GRM7: variants seen among roughly 807,000 people sequenced by gnomAD.
GRM7 encodes the protein metabotropic glutamate receptor 7.
In GRM7, 35 loss-of-function variants were observed where a neutral mutation model predicts 84.5. That is an observed-to-expected ratio of 0.41 (90% CI 0.32 to 0.55). GRM7 has a LOEUF of 0.55. GRM7 is among the 20% of genes least tolerant of loss of function. GRM7 has a pLI of 0.19. For synonymous variants in GRM7, 487 were observed against 455.1 expected (o/e 1.07, Z -0.89); for missense variants, 1,003 against 1,194.6 (o/e 0.84, Z 2.36).
intron 1 of GRM7, among the ~76,000 whole-genome samples, chr3:7,066,890 C>T (rs1697685382): frequency 6.6e-6 from 1 of 151,786 alleles, no homozygotes; most frequent in Non-Finnish European, 1.5e-5. Context: ...GTAAATATGA[C>T]ACGCCACATA....
At chr3:7,290,819 C>G (rs1699594213) in intron 2 of GRM7, among the ~76,000 whole-genome samples, 1 of 152,128 alleles carries the variant, frequency 6.6e-6, no homozygotes, top group Admixed American at 6.6e-5. Context: ...TACCTTCTTT[C>G]TTTCCTCTCT....
At chr3:7,200,760 G>A (rs113866763) in intron 2 of GRM7, among the ~76,000 whole-genome samples, 13 of 152,134 alleles carry the variant, frequency 8.5e-5, no homozygotes, top group African/African-American at 2.4e-4. Flanking sequence ...TTATTATTTT[G>A]TACACCTAAA....
chr3:6,975,277 T>C (rs1290721946), intron 1 of GRM7, among the ~76,000 whole-genome samples: 2 of 152,204 alleles, frequency 1.3e-5, no homozygotes, highest in Non-Finnish European at 2.9e-5. Flanking sequence ...GATTAAAATC[T>C]ACCAGGAGTT....
chr3:7,448,666 C>T (rs1296516447), intron 5 of GRM7, among the ~76,000 whole-genome samples: 1 of 152,140 alleles, frequency 6.6e-6, no homozygotes, highest in East Asian at 1.9e-4. Context: ...TATAAGGCTA[C>T]ATTTTCAAGT....
At chr3:6,915,162 G>T (rs750456019) in intron 1 of GRM7, among the ~76,000 whole-genome samples, 1 of 149,824 alleles carries the variant, frequency 6.7e-6, no homozygotes, top group African/African-American at 2.6e-5. Context: ...AAAGAGTCAC[G>T]CTTTTATGAT....
intron 4 of GRM7, among the ~76,000 whole-genome samples, chr3:7,326,669 G>A (rs1701000499): frequency 6.6e-6 from 1 of 151,788 alleles, no homozygotes; most frequent in Non-Finnish European, 1.5e-5. Context: ...CCAACATGGC[G>A]AAACCCCATT....
chr3:6,940,273 G>T lies in GRM7; in HGVS notation c.519+78366G>T, dbSNP rs532899902. On this transcript the variant is annotated intron_variant, in intron 1 of 9. Coordinates refer to ENST00000357716, the MANE Select transcript of GRM7 (RefSeq NM_000844.4). ...TGCCCAGCTAATTTTTATATTTTTA[G>T]TAGAGATGGGGTTTCACCATGTTGG... 1.1e-4 allele frequency among the ~76,000 whole-genome samples: 16 copies of T among 152,148 alleles called. No individual in the cohort carries two copies. The East Asian group carries it at 3.1e-3, about 30-fold the overall frequency.
chr3:7,297,493 A>C (rs1699853206), intron 2 of GRM7, among the ~76,000 whole-genome samples: 2 of 152,172 alleles, frequency 1.3e-5, no homozygotes, highest in Non-Finnish European at 1.5e-5. Context: ...AAGATGATTG[A>C]TAGTTTTGTT....
intron 7 of GRM7, among the ~76,000 whole-genome samples, chr3:7,527,697 G>A (rs1222381779): frequency 6.6e-6 from 1 of 151,954 alleles, no homozygotes; most frequent in Non-Finnish European, 1.5e-5. Flanking sequence ...TTTGAGGAGT[G>A]TTCCTTTGAT....
chr3:7,205,869 A>C (rs1696220644), intron 2 of GRM7, among the ~76,000 whole-genome samples: 1 of 152,230 alleles, frequency 6.6e-6, no homozygotes, highest in African/African-American at 2.4e-5. Flanking sequence ...CTAAGTGTTA[A>C]GTTTATTTAA....
chr3:7,461,046 A>T (rs188792535), intron 6 of GRM7, among the ~76,000 whole-genome samples: 2 of 152,350 alleles, frequency 1.3e-5, no homozygotes, highest in East Asian at 3.8e-4. Flanking sequence ...CTTATGATAT[A>T]AATTAGAAAT....
chr3:7,552,898 C>G (rs976155676), intron 7 of GRM7, among the ~76,000 whole-genome samples: 5 of 152,336 alleles, frequency 3.3e-5, no homozygotes, highest in African/African-American at 1.2e-4. Context: ...GTTACTTATG[C>G]AAATTTCTGC....
At chr3:6,936,443 C>A (rs566842874) in intron 1 of GRM7, among the ~76,000 whole-genome samples, 1 of 152,316 alleles carries the variant, frequency 6.6e-6, no homozygotes, top group Admixed American at 6.5e-5. Context: ...ATGCTCTCTC[C>A]AACTAGGCCT....
At chr3:6,877,846 CACACACAT>C (rs1232141911) in intron 1 of GRM7, among the ~76,000 whole-genome samples, 105 of 137,114 alleles carry the variant, frequency 7.7e-4, no homozygotes, top group African/African-American at 2.7e-3. Flanking sequence ...CACACACACA[CACACACAT>C]ATGACTTCTG....
intron 4 of GRM7, among the ~76,000 whole-genome samples, chr3:7,338,800 G>A (rs1335375397): frequency 6.6e-6 from 1 of 152,036 alleles, no homozygotes; most frequent in Non-Finnish European, 1.5e-5. Context: ...GGGTACACTA[G>A]TGTTGAAACC....
rs914867921 is a variant in GRM7 at position 6,862,636 on chromosome 3, A to G, written c.519+729A>G. 4.7e-6 allele frequency: 1 copy of G among 214,680 alleles called. No individual in the cohort carries two copies. Among genetic ancestry groups the G allele is most frequent in the Admixed American group, 5.9e-5 (1 of 16,906 alleles). 13.3% of individuals were successfully genotyped at this position (214,680 alleles called of 1,614,324 possible). A position where few individuals can be genotyped will look rare whatever the true frequency, so the allele number is the denominator to read the frequency against. ...TCCGGCCACTGGCCGGAGCTGGGCG[A>G]TCAGCTTTCCACTCCTGCCACTTCA... On this transcript the variant is annotated intron_variant, in intron 1 of 9. Transcript: ENST00000357716. This position sits in a 1 kb window ranked among gnomAD's most constrained non-coding sequence, Gnocchi z 5.2.
At position 7,238,839 on chromosome 3, in the gene GRM7, CT is replaced by C. The variant is rs1272870908; in HGVS notation, c.737-59844del. ...TTTCCCTCCTCTCCTCTCCCCTCCC[CT>C]CCCCTCTTCCTTTCACTTGTTTTCT... On this transcript the variant is annotated intron_variant, in intron 2 of 9. Coordinates refer to ENST00000357716, the MANE Select transcript of GRM7 (RefSeq NM_000844.4). Among the ~76,000 whole-genome samples the C allele has an allele frequency of 2.0e-5, 3 of 149,874 alleles. No homozygotes were observed. The Admixed American group carries it at 2.0e-4, about 10-fold the overall frequency.
At chr3:7,345,832 C>CA (rs141494248) in intron 4 of GRM7, among the ~76,000 whole-genome samples, 4,770 of 148,418 alleles carry the variant, frequency 0.032, 146 homozygotes, top group African/African-American at 0.081. Flanking sequence ...CAAAGAGCCT[C>CA]AAAAAAAAAA....
At chr3:7,244,319 C>T (rs934093816) in intron 2 of GRM7, among the ~76,000 whole-genome samples, 3 of 151,990 alleles carry the variant, frequency 2.0e-5, no homozygotes, top group Non-Finnish European at 4.4e-5. Context: ...GATACTTCAC[C>T]CAATCGACTG....
Sources: allele counts gnomAD v4.1 joint callset (sites outside exome capture counted in the v4.1 genomes callset), GRCh38; gene constraint gnomAD v4.1.1; non-coding constraint Gnocchi (gnomAD v3.1); transcripts MANE v1.5; gene names NCBI Gene and HGNC (gene_info 2026-07-23, HGNC 2026-07-21).